EIF4G3: variants seen among roughly 807,000 people sequenced by gnomAD.
EIF4G3 encodes eukaryotic translation initiation factor 4 gamma 3.
In EIF4G3, 34 loss-of-function variants were observed where a neutral mutation model predicts 186.4. The observed-to-expected ratio is 0.18, with a 90% CI of 0.14 to 0.24. The LOEUF is 0.24. EIF4G3 is among the 10% of genes least tolerant of loss of function. The pLI, the probability that EIF4G3 is intolerant of heterozygous loss-of-function variation, is 1.00. For missense variants in EIF4G3, 1,536 were observed against 1,948.5 expected, an observed-to-expected ratio of 0.79 and a Z score of 3.99; for synonymous variants, 673 against 679.5, an observed-to-expected ratio of 0.99 and a Z score of 0.15.
rs553065636 is a variant in EIF4G3, at chr1:20,983,835, G to T, written c.178-1427C>A. Reference sequence around the variant, plus strand: ...GTTGCCTGAAGAAATAGGGTGTTACGGGGTGGTAAGGAGAGGAGAAAGAAA... The same window carrying T: ...GTTGCCTGAAGAAATAGGGTGTTACTGGGTGGTAAGGAGAGGAGAAAGAAA... On this transcript the variant is annotated intron_variant, in intron 7 of 36. Transcript: ENST00000602326. Among the ~76,000 whole-genome samples the T allele has an allele frequency of 5.3e-5, 8 of 152,248 alleles. No individual in the cohort carries two copies. In the East Asian group the frequency reaches 1.4e-3, roughly 26 times the overall value.
Position 20,864,481 on chromosome 1 carries a change from C to T in EIF4G3, c.3001G>A (p.Ala1001Thr). The change falls in exon 22 of 37, where the codon GCA becomes ACA. Residue 1001 changes from alanine (A) to threonine (T), a missense_variant. By Grantham distance (58) the Ala-to-Thr change is moderately conservative. Transcript: ENST00000602326. ...CTGAGCTTTTGGATTTTTACCTTTGCTTTTTCAAAGTCCAAGTCTTTGCCA... is the reference window on the plus strand; with the variant it reads ...CTGAGCTTTTGGATTTTTACCTTTGTTTTTTCAAAGTCCAAGTCTTTGCCA... ...TIGKDLDFEK[A>T]KPRMDQYFNQ... 6.2e-7 allele frequency: 1 copy of T among 1,612,338 alleles called. No homozygotes were observed. Among genetic ancestry groups the T allele is most frequent in the Non-Finnish European group, 8.5e-7 (1 of 1,179,454 alleles).
chr1:21,119,908 T>C (rs904431019), intron 2 of EIF4G3, among the ~76,000 whole-genome samples: 1 of 152,046 alleles, frequency 6.6e-6, no homozygotes, highest in African/African-American at 2.4e-5. Flanking sequence ...TTAAAAACTA[T>C]TTCTAAAATT....
chr1:21,131,239 CAAAAAAAA>C (rs33913086), intron 2 of EIF4G3, among the ~76,000 whole-genome samples: 1 of 114,136 alleles, frequency 8.8e-6, no homozygotes, highest in African/African-American at 3.4e-5. Context: ...GATTCTGCCT[CAAAAAAAA>C]AAAAAAAAAT....
In EIF4G3 at chr1:20,943,968, T is replaced by TGTGTGTGTGTGTGTGTG. The variant is rs1558362029; in HGVS notation, c.824-1639_824-1638insCACACACACACACACAC. Among the ~76,000 whole-genome samples the TGTGTGTGTGTGTGTGTG allele has an allele frequency of 2.1e-3, 25 of 11,954 alleles. 1 individual carries two copies. Among genetic ancestry groups the TGTGTGTGTGTGTGTGTG allele is most frequent in the East Asian group, 8.0e-3 (8 of 1,004 alleles). 7.8% of individuals were successfully genotyped at this position (11,954 alleles called of 152,430 possible). ...AATATTTCAGGAAAACTTGTCTTTA[T>TGTGTGTGTGTGTGTGTG]TTTTTTTGTGTGTGTGTGTGTGTGT... On this transcript the variant is annotated intron_variant, in intron 13 of 36. Transcript: ENST00000602326.
At chr1:20,910,413 A>G (rs991938103) in intron 14 of EIF4G3, among the ~76,000 whole-genome samples, 1 of 151,940 alleles carries the variant, frequency 6.6e-6, no homozygotes, top group Admixed American at 6.6e-5. Flanking sequence ...GTGAAATCCC[A>G]TCTCTACTAA....
At chr1:20,964,458 T>C (rs2074169459) in intron 12 of EIF4G3, among the ~76,000 whole-genome samples, 2 of 152,184 alleles carry the variant, frequency 1.3e-5, no homozygotes, top group African/African-American at 4.8e-5. Context: ...ATACAAAATC[T>C]CTACTAGCTA....
intron 29 of EIF4G3, among the ~76,000 whole-genome samples, chr1:20,848,142 T>C (rs1451437165): frequency 6.6e-6 from 1 of 152,044 alleles, no homozygotes; most frequent in East Asian, 1.9e-4. Flanking sequence ...AATTTTTGTA[T>C]TTTTTGTAGA....
intron 13 of EIF4G3, among the ~76,000 whole-genome samples, chr1:20,948,634 A>C (rs76893437): frequency 0.019 from 2,891 of 152,262 alleles, 75 homozygotes; most frequent in African/African-American, 0.059. Flanking sequence ...TATAAATGTG[A>C]TTGACTAACT....
At chr1:21,008,090 G>GT (rs1205285500) in intron 4 of EIF4G3, among the ~76,000 whole-genome samples, 1 of 152,184 alleles carries the variant, frequency 6.6e-6, no homozygotes, top group East Asian at 1.9e-4. Flanking sequence ...GTAGTGAGCT[G>GT]TAATTGTGCC....
intron 3 of EIF4G3, among the ~76,000 whole-genome samples, chr1:21,067,781 A>G (rs1486271970): frequency 6.6e-6 from 1 of 152,196 alleles, no homozygotes; most frequent in East Asian, 1.9e-4. Flanking sequence ...ATCTGTCTAG[A>G]CTAGAATAAG....
chr1:20,839,669 A>AT (rs1343964586), intron 30 of EIF4G3, among the ~76,000 whole-genome samples: 2 of 151,506 alleles, frequency 1.3e-5, no homozygotes, highest in Admixed American at 1.3e-4. Context: ...TAATTTTTGT[A>AT]TTTTTAGTAG....
chr1:20,921,197 G>C (rs550567782), intron 14 of EIF4G3, among the ~76,000 whole-genome samples: 15 of 152,134 alleles, frequency 9.9e-5, no homozygotes, highest in South Asian at 6.2e-4. Flanking sequence ...TTTGTGCAGA[G>C]AACAATTCCA....
chr1:21,116,954 T>C (rs1265623690), intron 2 of EIF4G3, among the ~76,000 whole-genome samples: 2 of 152,114 alleles, frequency 1.3e-5, no homozygotes, highest in African/African-American at 4.8e-5. Context: ...GATTAATCAC[T>C]TGCATAAAAA....
intron 6 of EIF4G3, among the ~76,000 whole-genome samples, chr1:21,000,375 C>T (rs1042589291): frequency 2.0e-5 from 3 of 152,004 alleles, no homozygotes; most frequent in South Asian, 2.1e-4. Context: ...CCTAAAACTG[C>T]GCAATTGCCA....
chr1:21,044,107 G>A (rs1161726092), intron 4 of EIF4G3, among the ~76,000 whole-genome samples: 5 of 152,152 alleles, frequency 3.3e-5, no homozygotes, highest in Non-Finnish European at 7.4e-5. Flanking sequence ...TGGTACATGG[G>A]GACTTGGTGT....
At chr1:20,989,544 CAAA>C (rs2080518390) in intron 7 of EIF4G3, among the ~76,000 whole-genome samples, 1 of 71,152 alleles carries the variant, frequency 1.4e-5, no homozygotes, top group African/African-American at 6.2e-5. Flanking sequence ...ATAACAAGAG[CAAA>C]ACTCCAACTC....
chr1:20,945,965 T>A (rs1382673965), intron 13 of EIF4G3, among the ~76,000 whole-genome samples: 1 of 152,220 alleles, frequency 6.6e-6, no homozygotes, highest in East Asian at 1.9e-4. Flanking sequence ...GTAGTTTCCA[T>A]AAAGAGTGCC....
chr1:21,170,856 T>C (rs2097949847), intron 2 of EIF4G3, among the ~76,000 whole-genome samples: 1 of 150,858 alleles, frequency 6.6e-6, no homozygotes, highest in Non-Finnish European at 1.5e-5. Context: ...GGTGTGGTGG[T>C]ACACACCTGT....
intron 2 of EIF4G3, among the ~76,000 whole-genome samples, chr1:21,127,415 C>T (rs67829823): frequency 0.027 from 4,182 of 152,280 alleles, 87 homozygotes; most frequent in Non-Finnish European, 0.038. Flanking sequence ...GCACTTATCA[C>T]CATCTGACAA....
Sources: allele counts gnomAD v4.1 joint callset (sites outside exome capture counted in the v4.1 genomes callset), GRCh38; gene constraint gnomAD v4.1.1; transcripts MANE v1.5; gene names NCBI Gene and HGNC (gene_info 2026-07-23, HGNC 2026-07-21).